The following RORA variants were observed in gnomAD, a reference collection of about 807,000 sequenced individuals.
RORA encodes the protein RAR related orphan receptor A.
Under a neutral mutation model 69.5 loss-of-function variants are expected in RORA, and 7 were observed. The observed-to-expected ratio is 0.10, with a 90% CI of 0.06 to 0.19. The LOEUF is 0.19. RORA is among the 10% of genes least tolerant of loss of function. The probability of loss-of-function intolerance (pLI) is 1.00; values close to 1 mark genes in which losing one functional copy is unlikely to be tolerated. For synonymous variants in RORA, 261 were observed against 240.8 expected (o/e 1.08, Z -0.78); for missense variants, 457 against 663.0 (o/e 0.69, Z 3.41).
intron 3 of RORA, among the ~76,000 whole-genome samples, chr15:60,515,417 C>T (rs1008069671): frequency 9.4e-6 from 1 of 106,222 alleles, no homozygotes; most frequent in Non-Finnish European, 2.2e-5. Context: ...CAAATCCAGT[C>T]CAATGCTCAT....
At chr15:61,152,599 T>A (rs1017759194) in intron 1 of RORA, among the ~76,000 whole-genome samples, 3 of 152,124 alleles carry the variant, frequency 2.0e-5, no homozygotes, top group African/African-American at 4.8e-5. Flanking sequence ...AATCCTTTTG[T>A]GTGCTAAGTA....
At chr15:61,081,183 T>C (rs11855298) in intron 1 of RORA, among the ~76,000 whole-genome samples, 1 of 152,194 alleles carries the variant, frequency 6.6e-6, no homozygotes, top group African/African-American at 2.4e-5. Context: ...CCATGAGATG[T>C]TTTCTAAAGG....
intron 1 of RORA, among the ~76,000 whole-genome samples, chr15:60,766,539 G>C (rs2071995282): frequency 6.6e-6 from 1 of 152,136 alleles, no homozygotes; most frequent in Non-Finnish European, 1.5e-5. Context: ...CAGATGGCGA[G>C]GAGGCATTTG....
chr15:60,717,775 T>C (rs921003025), intron 1 of RORA, among the ~76,000 whole-genome samples: 1 of 150,514 alleles, frequency 6.6e-6, no homozygotes, highest in African/African-American at 2.4e-5. Flanking sequence ...TCACATCTTC[T>C]TCTTTCTTTT....
At chr15:60,540,617 T>C (rs2066842920) in intron 2 of RORA, among the ~76,000 whole-genome samples, 1 of 134,934 alleles carries the variant, frequency 7.4e-6, no homozygotes, top group Non-Finnish European at 1.5e-5. Context: ...TGAAGTAAGA[T>C]GTGCAGAAAT....
At chr15:60,525,115 T>C (rs2066306654) in intron 3 of RORA, among the ~76,000 whole-genome samples, 1 of 152,160 alleles carries the variant, frequency 6.6e-6, no homozygotes, top group Admixed American at 6.5e-5. Flanking sequence ...AAAACACTTT[T>C]CAATTTCTGT....
At chr15:60,795,448 T>C (rs2072482143) in intron 1 of RORA, among the ~76,000 whole-genome samples, 2 of 152,320 alleles carry the variant, frequency 1.3e-5, no homozygotes, top group Middle Eastern at 3.4e-3. Context: ...CGGGAGAGTA[T>C]TTTTGAGCTA....
chr15:60,698,599 C>A (rs1388120945), intron 1 of RORA, among the ~76,000 whole-genome samples: 4 of 148,128 alleles, frequency 2.7e-5, no homozygotes, highest in East Asian at 2.0e-4. Context: ...CTATAAATAT[C>A]CTTGTTACAT....
chr15:61,061,701 T>C lies in RORA; in HGVS notation c.166+167352A>G, dbSNP rs2078189089. Reference sequence around the variant, plus strand: ...AAACTACTGCTTTAGTTGTTGGGCATATGGGTCTCTAGAGACAGGGTGTTA... The same window carrying C: ...AAACTACTGCTTTAGTTGTTGGGCACATGGGTCTCTAGAGACAGGGTGTTA... On this transcript the variant is annotated intron_variant, in intron 1 of 10. Transcript: ENST00000335670. This position sits in a 1 kb window ranked among gnomAD's most constrained non-coding sequence, Gnocchi z 4.4. Among the ~76,000 whole-genome samples the C allele has an allele frequency of 6.6e-6, 1 of 152,186 alleles. No homozygotes were observed. Among genetic ancestry groups the C allele is most frequent in the South Asian group, 2.1e-4 (1 of 4,834 alleles).
At chr15:60,611,886 C>A (rs958241461) in intron 2 of RORA, among the ~76,000 whole-genome samples, 9 of 152,188 alleles carry the variant, frequency 5.9e-5, no homozygotes, top group Non-Finnish European at 1.0e-4. Flanking sequence ...TGTCACGCAG[C>A]GGAAGGCCAA....
intron 1 of RORA, chr15:61,182,879 G>C (rs2079700818): frequency 6.6e-6 from 1 of 152,268 alleles, no homozygotes; most frequent in South Asian, 2.1e-4. Context: ...AGGAGAAAAT[G>C]CCAGAGAACC....
At chr15:60,947,688 TAAAAAAA>T (rs35887206) in intron 1 of RORA, among the ~76,000 whole-genome samples, 26 of 102,920 alleles carry the variant, frequency 2.5e-4, no homozygotes, top group South Asian at 3.6e-4. Flanking sequence ...GAATGATCAA[TAAAAAAA>T]AAAAAAAAAA....
chr15:60,949,304 A>C (rs906913628), intron 1 of RORA, among the ~76,000 whole-genome samples: 1 of 152,202 alleles, frequency 6.6e-6, no homozygotes. Context: ...GCCAGGCCAA[A>C]TCTTGCTTGG....
chr15:60,666,349 T>TC lies in RORA; in HGVS notation c.196+12307_196+12308insG, dbSNP rs200827385. Among the ~76,000 whole-genome samples the TC allele has an allele frequency of 5.3e-3, 762 of 144,058 alleles. 6 individuals carry two copies. The highest frequency in any genetic ancestry group is 0.017 in the African/African-American group (679 of 38,928). 94.5% of individuals were successfully genotyped at this position (144,058 alleles called of 152,430 possible). On this transcript the variant is annotated intron_variant, in intron 2 of 10. Transcript: ENST00000335670. ...TGCATAGCTACTTAATTTCTTTCTT[T>TC]TTTTTTTTTTTTTTTTTGTAGATAC...
At chr15:60,635,703 A>G (rs529278799) in intron 2 of RORA, among the ~76,000 whole-genome samples, 1 of 152,302 alleles carries the variant, frequency 6.6e-6, no homozygotes, top group African/African-American at 2.4e-5. Context: ...CATTCCGGAA[A>G]TGAATCAGAG....
intron 1 of RORA, among the ~76,000 whole-genome samples, chr15:61,115,982 G>A (rs941375354): frequency 3.3e-5 from 5 of 152,102 alleles, no homozygotes; most frequent in African/African-American, 4.8e-5. Flanking sequence ...GTGACTCAGT[G>A]TCAAAGATCC....
intron 1 of RORA, among the ~76,000 whole-genome samples, chr15:60,940,277 T>C (rs1478643130): frequency 1.3e-5 from 2 of 152,174 alleles, no homozygotes; most frequent in African/African-American, 2.4e-5. Context: ...AGGCCATCAA[T>C]TGGTAAGGAA....
At chr15:60,991,403 G>T (rs919172193) in intron 1 of RORA, among the ~76,000 whole-genome samples, 10 of 152,154 alleles carry the variant, frequency 6.6e-5, no homozygotes, top group African/African-American at 2.4e-4. Flanking sequence ...GCTTCAGTTA[G>T]AGAGGTCAAT....
chr15:60,523,046 A>AAAC (rs1555426057), intron 3 of RORA, among the ~76,000 whole-genome samples: 18 of 135,758 alleles, frequency 1.3e-4, no homozygotes, highest in Admixed American at 4.3e-4. Context: ...TCAAAAAAAA[A>AAAC]ACACAAAAAA....
Sources: allele counts gnomAD v4.1 joint callset (sites outside exome capture counted in the v4.1 genomes callset), GRCh38; gene constraint gnomAD v4.1.1; non-coding constraint Gnocchi (gnomAD v3.1); transcripts MANE v1.5; gene names NCBI Gene and HGNC (gene_info 2026-07-23, HGNC 2026-07-21).